The following DGKI variants were observed in gnomAD, a reference collection of about 807,000 sequenced individuals.
DGKI encodes the protein DAG kinase iota.
A neutral mutation model predicts 147.5 loss-of-function variants in DGKI; 55 were observed. The observed-to-expected ratio is 0.37, with a 90% confidence interval of 0.30 to 0.47. The LOEUF is 0.47. DGKI is among the 20% of genes least tolerant of loss of function. The pLI, the probability that DGKI is intolerant of heterozygous loss-of-function variation, is 1.00. For synonymous variants in DGKI, 469 were observed against 477.1 expected (o/e 0.98, Z 0.22); for missense variants, 1,007 against 1,323.8 (o/e 0.76, Z 3.71).
intron 20 of DGKI, among the ~76,000 whole-genome samples, chr7:137,524,920 C>T (rs1024907157): frequency 1.3e-5 from 2 of 152,060 alleles, no homozygotes; most frequent in Non-Finnish European, 2.9e-5. Flanking sequence ...CCTGGAGCTC[C>T]CCAATTTGGG....
At chr7:137,392,558 A>T (rs576567085) in intron 32 of DGKI, among the ~76,000 whole-genome samples, 1 of 152,330 alleles carries the variant, frequency 6.6e-6, no homozygotes, top group East Asian at 1.9e-4. Context: ...CCTGCTCTAC[A>T]TAGCCTACTG....
At chr7:137,615,125 T>G (rs150525581) in intron 8 of DGKI, among the ~76,000 whole-genome samples, 59 of 152,284 alleles carry the variant, frequency 3.9e-4, no homozygotes, top group African/African-American at 1.4e-3. Flanking sequence ...ATAGGCCACC[T>G]TGGATGCTGA....
chr7:137,824,393 G>C (rs1797994147), intron 1 of DGKI, among the ~76,000 whole-genome samples: 1 of 151,934 alleles, frequency 6.6e-6, no homozygotes, highest in Non-Finnish European at 1.5e-5. Context: ...GCACATGTCT[G>C]TAATCCCAAC....
intron 19 of DGKI, 72 bp downstream of exon 19, chr7:137,571,102 TA>T: frequency 8.9e-7 from 1 of 1,125,376 alleles, no homozygotes; most frequent in Non-Finnish European, 1.3e-6. Flanking sequence ...AAAAGTTAAC[TA>T]AAGTCCTGTG....
At chr7:137,587,374 T>C (rs369565165) in intron 12 of DGKI, among the ~76,000 whole-genome samples, 164 bp from the exon 13 acceptor site, 47 of 152,228 alleles carry the variant, frequency 3.1e-4, no homozygotes, top group African/African-American at 1.1e-3. Flanking sequence ...AGGTCGCTTA[T>C]CACAGGCAGT....
chr7:137,812,333 A>G (rs569217915), intron 1 of DGKI, among the ~76,000 whole-genome samples: 48 of 152,308 alleles, frequency 3.2e-4, no homozygotes, highest in African/African-American at 1.1e-3. Context: ...GGTACATGGT[A>G]ATTGCTCAAT....
chr7:137,540,594 G>A (rs1212856428), intron 20 of DGKI, among the ~76,000 whole-genome samples: 2 of 151,796 alleles, frequency 1.3e-5, no homozygotes, highest in Non-Finnish European at 1.5e-5. Flanking sequence ...GCTGAGGTGG[G>A]AAGATCACTT....
chr7:137,671,818 A>G lies in DGKI; in HGVS notation c.606+6739T>C, dbSNP rs199615075. The stretch of plus-strand genomic sequence containing the variant: ...TTAGAAGAAAACTTAGAATTAAGGC[A>G]GGGTGTCACAGGTAGGGTTAAGCCA... On this transcript the variant is annotated intron_variant, in intron 3 of 32. Transcript: ENST00000614521. Among the ~76,000 whole-genome samples, 12 of 152,372 alleles carry G rather than the reference A, an allele frequency of 7.9e-5. No individual in the cohort carries two copies. The East Asian group carries it at 1.7e-3, about 22-fold the overall frequency.
At chr7:137,485,262 G>T in intron 23 of DGKI, 112 bp downstream of exon 23, 1 of 834,104 alleles carries the variant, frequency 1.2e-6, no homozygotes, top group South Asian at 1.8e-5. Context: ...TTCTTAGAAT[G>T]AACTCTATCC....
chr7:137,446,763 A>G (rs963634690), intron 27 of DGKI, among the ~76,000 whole-genome samples: 2 of 152,154 alleles, frequency 1.3e-5, no homozygotes, highest in African/African-American at 4.8e-5. Context: ...GGGAGGGGAA[A>G]GAAGTTAGCT....
At chr7:137,613,510 C>T (rs1424604618) in intron 8 of DGKI, among the ~76,000 whole-genome samples, 3 of 152,102 alleles carry the variant, frequency 2.0e-5, no homozygotes, top group African/African-American at 7.2e-5. Context: ...GGCTAATTTA[C>T]AGGATATTAT....
At chr7:137,607,486 G>T (rs1820221979) in intron 10 of DGKI, among the ~76,000 whole-genome samples, 1 of 152,098 alleles carries the variant, frequency 6.6e-6, no homozygotes. Flanking sequence ...GTCTTAACTG[G>T]ATCATCAGCT....
At chr7:137,639,495 G>A (rs1585316980) in intron 6 of DGKI, among the ~76,000 whole-genome samples, 8 of 152,166 alleles carry the variant, frequency 5.3e-5, no homozygotes, top group Admixed American at 5.2e-4. Flanking sequence ...AGGGAGCAAA[G>A]GGGTCATTTG....
chr7:137,635,521 A>G (rs1356658845), intron 6 of DGKI, among the ~76,000 whole-genome samples: 2 of 152,200 alleles, frequency 1.3e-5, no homozygotes, highest in Admixed American at 1.3e-4. Context: ...TGACCCACGA[A>G]CATAGGATCC....
At chr7:137,498,553 T>C (rs775411385) in intron 21 of DGKI, among the ~76,000 whole-genome samples, 71 of 152,028 alleles carry the variant, frequency 4.7e-4, no homozygotes, top group Non-Finnish European at 1.0e-3. Context: ...AAAAACCAGA[T>C]TATATACAAA....
At chr7:137,549,860 T>A (rs1311742279) in intron 20 of DGKI, among the ~76,000 whole-genome samples, 1 of 152,222 alleles carries the variant, frequency 6.6e-6, no homozygotes, top group Non-Finnish European at 1.5e-5. Context: ...AAGATCAGAA[T>A]GAGAGCAATT....
At chr7:137,662,736 T>C (rs766726333) in intron 3 of DGKI, among the ~76,000 whole-genome samples, 9 of 152,148 alleles carry the variant, frequency 5.9e-5, no homozygotes, top group Non-Finnish European at 1.0e-4. Flanking sequence ...GCCCAGACCC[T>C]GAGTAGTGTT....
chr7:137,477,923 A>G (rs994955525), intron 23 of DGKI, among the ~76,000 whole-genome samples: 5 of 152,302 alleles, frequency 3.3e-5, no homozygotes, highest in Non-Finnish European at 7.4e-5. Context: ...GGCCTCCCAA[A>G]GTGCTGAGAT....
At chr7:137,587,354 G>A in intron 12 of DGKI, 144 bp from the exon 13 acceptor site, 1 of 587,298 alleles carries the variant, frequency 1.7e-6, no homozygotes, top group South Asian at 3.4e-5. Context: ...TCAGTGAGTA[G>A]GGAACAGAAA....
Sources: gnomAD v4.1 joint callset for allele counts (sites outside exome capture counted in the v4.1 genomes callset) on GRCh38, gnomAD v4.1.1 for gene constraint, MANE v1.5 for transcripts, NCBI Gene and HGNC (gene_info 2026-07-23, HGNC 2026-07-21) for gene names.